ITGB3BP: variants seen among roughly 807,000 people sequenced by gnomAD.
The protein encoded by ITGB3BP is integrin subunit beta 3 binding protein, also known as centromere protein R.
ITGB3BP carries 27 observed loss-of-function variants against 29.1 expected under a neutral mutation model. The ratio of observed to expected loss-of-function variants is 0.93; its 90% confidence interval spans 0.68 to 1.28. The LOEUF (loss-of-function observed/expected upper bound fraction) is 1.28. Ranked by LOEUF, ITGB3BP falls within the 50% of genes most tolerant of loss-of-function variation. The probability of loss-of-function intolerance (pLI) is 0.00; values close to 1 mark genes in which losing one functional copy is unlikely to be tolerated. For synonymous variants in ITGB3BP, 61 were observed against 61.4 expected (o/e 0.99, Z 0.03); for missense variants, 192 against 200.2 (o/e 0.96, Z 0.25).
At chr1:63,528,990 A>G (rs1646646409) in intron 2 of ITGB3BP, 1 of 152,150 alleles carries the variant, frequency 6.6e-6, no homozygotes, top group African/African-American at 2.4e-5. Flanking sequence ...CTTCATTTAC[A>G]TCTACTTGTA....
At chr1:63,512,030 T>C (rs968301852) in intron 1 of ITGB3BP, among the ~76,000 whole-genome samples, 3 of 152,094 alleles carry the variant, frequency 2.0e-5, no homozygotes, top group African/African-American at 7.2e-5. Context: ...CTTTTACAGG[T>C]AACCTCTCTG....
At chr1:63,452,352 C>T (rs906168609) in intron 7 of ITGB3BP, among the ~76,000 whole-genome samples, 2 of 152,136 alleles carry the variant, frequency 1.3e-5, no homozygotes, top group Non-Finnish European at 2.9e-5. Context: ...GGAAATCACA[C>T]TATTGGTGTA....
At chr1:63,485,428 CTTTTT>C (rs34768095) in intron 3 of ITGB3BP, among the ~76,000 whole-genome samples, 2 of 149,342 alleles carry the variant, frequency 1.3e-5, no homozygotes, top group African/African-American at 4.9e-5. Context: ...AATTGTTTGA[CTTTTT>C]TTTTTCACCC....
intron 4 of ITGB3BP, among the ~76,000 whole-genome samples, chr1:63,468,821 A>G (rs1048281233): frequency 1.3e-5 from 2 of 151,926 alleles, no homozygotes; most frequent in Non-Finnish European, 2.9e-5. Context: ...AGATCGTGCC[A>G]TTGCATTTCA....
At chr1:63,482,270 CAAAAAA>C (rs376500389) in intron 3 of ITGB3BP, among the ~76,000 whole-genome samples, 3 of 59,356 alleles carry the variant, frequency 5.1e-5, no homozygotes, top group African/African-American at 2.1e-4. Context: ...GACTCCATCT[CAAAAAA>C]AAAAAAAAAA....
chr1:63,449,249 A>G (rs548405388), intron 7 of ITGB3BP: 2 of 152,578 alleles, frequency 1.3e-5, no homozygotes, highest in Admixed American at 1.3e-4. Flanking sequence ...TTTCTTTTCA[A>G]TTTTGTTGTC....
At chr1:63,516,018 G>A (rs1406813177) in intron 1 of ITGB3BP, among the ~76,000 whole-genome samples, 2 of 94,688 alleles carry the variant, frequency 2.1e-5, no homozygotes, top group Non-Finnish European at 4.1e-5. Context: ...AAGAAATGTG[G>A]TATATATACA....
intron 2 of ITGB3BP, among the ~76,000 whole-genome samples, chr1:63,495,602 G>C (rs1045165925): frequency 6.6e-6 from 1 of 151,734 alleles, no homozygotes; most frequent in Admixed American, 6.6e-5. Context: ...GGGCAGGTAG[G>C]GGGCAGCTGG....
intron 3 of ITGB3BP, among the ~76,000 whole-genome samples, chr1:63,485,202 T>A (rs1334972684): frequency 6.6e-6 from 1 of 152,100 alleles, no homozygotes; most frequent in Non-Finnish European, 1.5e-5. Flanking sequence ...TTCTAAGTGC[T>A]TTCTGTGTAT....
intron 1 of ITGB3BP, among the ~76,000 whole-genome samples, chr1:63,515,973 G>A (rs1646310169): frequency 6.6e-6 from 1 of 151,862 alleles, no homozygotes; most frequent in Non-Finnish European, 1.5e-5. Flanking sequence ...CAAAGTCATG[G>A]AATCATCTTG....
chr1:63,498,393 A>T (rs774888500), intron 2 of ITGB3BP, among the ~76,000 whole-genome samples: 3 of 152,332 alleles, frequency 2.0e-5, no homozygotes, highest in Non-Finnish European at 4.4e-5. Flanking sequence ...GAATGACAAT[A>T]AAAATAACAG....
At chr1:63,515,245 A>G (rs1646288746) in intron 1 of ITGB3BP, among the ~76,000 whole-genome samples, 1 of 152,130 alleles carries the variant, frequency 6.6e-6, no homozygotes, top group Non-Finnish European at 1.5e-5. Flanking sequence ...GTATGCCAGC[A>G]CCACTTGGGA....
At position 63,490,207 on chromosome 1, in the gene ITGB3BP, A is replaced by G. The variant is rs1645617406; in HGVS notation, c.60T>C (p.Pro20=). 1 of 1,568,554 alleles carries G rather than the reference A, an allele frequency of 6.4e-7. No individual in the cohort carries two copies. The highest frequency in any genetic ancestry group is 1.1e-5 in the South Asian group (1 of 88,548). Residue 20 remains proline (P), a synonymous_variant, in exon 3 of 9, where the codon CCT becomes CCC. Coordinates refer to ENST00000271002, the MANE Select transcript of ITGB3BP (RefSeq NM_014288.5). The part of the protein sequence containing the change: ...DGLLEENSFD[P]SKITRKKSVI... ...CACTTTTCTTCCTTGTGATTTTTGA[A>G]GGATCAAATGACTGGAAATAAATAA... is the stretch of plus-strand genomic sequence containing the variant.
At chr1:63,467,009 T>C (rs1052890286) in intron 4 of ITGB3BP, among the ~76,000 whole-genome samples, 1 of 151,550 alleles carries the variant, frequency 6.6e-6, no homozygotes, top group Non-Finnish European at 1.5e-5. Flanking sequence ...CAGCCTCCTA[T>C]GTAGCTGGGT....
intron 2 of ITGB3BP, among the ~76,000 whole-genome samples, chr1:63,493,643 T>C (rs1645716510): frequency 6.6e-6 from 1 of 152,090 alleles, no homozygotes; most frequent in African/African-American, 2.4e-5. Context: ...GAAAAAAAAA[T>C]CAATGTTCTC....
intron 2 of ITGB3BP, among the ~76,000 whole-genome samples, chr1:63,507,053 C>G (rs751639125): frequency 6.6e-6 from 1 of 152,126 alleles, no homozygotes; most frequent in Non-Finnish European, 1.5e-5. Context: ...CAGAACAGAA[C>G]AAAAGCTGTT....
At chr1:63,505,690 T>A (rs1182762317) in intron 2 of ITGB3BP, among the ~76,000 whole-genome samples, 1 of 152,182 alleles carries the variant, frequency 6.6e-6, no homozygotes, top group African/African-American at 2.4e-5. Context: ...TTTGAATGTG[T>A]CCCAGAGATT....
chr1:63,475,145 A>T (rs1199770353), intron 4 of ITGB3BP, among the ~76,000 whole-genome samples: 1 of 151,628 alleles, frequency 6.6e-6, no homozygotes, highest in Non-Finnish European at 1.5e-5. Flanking sequence ...CACCTAATTT[A>T]AAAAAAAATT....
intron 4 of ITGB3BP, among the ~76,000 whole-genome samples, 180 bp from the exon 5 acceptor site, chr1:63,455,148 G>A (rs965130627): frequency 3.3e-5 from 5 of 152,000 alleles, no homozygotes; most frequent in Admixed American, 3.3e-4. Context: ...TTCCCACTGA[G>A]CAGTGGGATG....
Sources: allele counts gnomAD v4.1 joint callset (sites outside exome capture counted in the v4.1 genomes callset), GRCh38; gene constraint gnomAD v4.1.1; transcripts MANE v1.5; gene names NCBI Gene and HGNC (gene_info 2026-07-23, HGNC 2026-07-21).